The following NREP variants were observed in gnomAD, a reference collection of about 807,000 sequenced individuals.
NREP encodes neuronal regeneration-related protein.
In NREP, 5 loss-of-function variants were observed where a neutral mutation model predicts 8.6. That is an observed-to-expected ratio of 0.58 (90% CI 0.30 to 1.22). The LOEUF (loss-of-function observed/expected upper bound fraction) is 1.22, where lower values mean the gene tolerates loss of function less well. Ranked by LOEUF, NREP falls within the 50% of genes most tolerant of loss-of-function variation. The probability of loss-of-function intolerance (pLI) is 0.07; values close to 1 mark genes in which losing one functional copy is unlikely to be tolerated. For synonymous variants in NREP, 27 were observed against 28.0 expected (o/e 0.96, Z 0.11); for missense variants, 86 against 82.5 (o/e 1.04, Z -0.17).
intron 2 of NREP, among the ~76,000 whole-genome samples, chr5:111,856,870 C>T (rs568600928): frequency 2.0e-5 from 3 of 152,002 alleles, no homozygotes; most frequent in East Asian, 1.9e-4. Flanking sequence ...GATTGGTTGG[C>T]GGCTGGTTGA....
intron 2 of NREP, among the ~76,000 whole-genome samples, chr5:111,968,125 C>T (rs903336443): frequency 6.6e-6 from 1 of 151,826 alleles, no homozygotes; most frequent in Non-Finnish European, 1.5e-5. Flanking sequence ...TTCTTATTTT[C>T]TAAAAGGTCT....
chr5:111,793,827 G>C (rs1751811698), intron 2 of NREP, among the ~76,000 whole-genome samples: 1 of 152,174 alleles, frequency 6.6e-6, no homozygotes. Context: ...GGGAGGCCAA[G>C]GCAGGAAGAT....
chr5:111,844,070 T>C (rs928951483), intron 2 of NREP, among the ~76,000 whole-genome samples: 3 of 152,182 alleles, frequency 2.0e-5, no homozygotes, highest in Admixed American at 1.3e-4. Flanking sequence ...CAGGCAAATA[T>C]GAAAATAAAT....
chr5:111,782,662 T>G (rs1396612888), intron 2 of NREP, among the ~76,000 whole-genome samples: 1 of 152,068 alleles, frequency 6.6e-6, no homozygotes, highest in Non-Finnish European at 1.5e-5. Flanking sequence ...AACCAGAAAT[T>G]TCCCATAAAA....
At chr5:111,910,282 T>G (rs1754876500) in intron 2 of NREP, among the ~76,000 whole-genome samples, 1 of 151,966 alleles carries the variant, frequency 6.6e-6, no homozygotes, top group African/African-American at 2.4e-5. Context: ...CATTTACAAT[T>G]TTTCTAAATA....
intron 2 of NREP, among the ~76,000 whole-genome samples, chr5:111,935,279 G>A (rs1755651548): frequency 1.3e-5 from 2 of 152,038 alleles, no homozygotes; most frequent in South Asian, 2.1e-4. Context: ...ACTGAATGTA[G>A]GCAGATAGGA....
intron 1 of NREP, among the ~76,000 whole-genome samples, chr5:111,976,449 A>G (rs960704517): frequency 6.6e-6 from 1 of 152,232 alleles, no homozygotes; most frequent in African/African-American, 2.4e-5. Flanking sequence ...TGGAAGCAGG[A>G]ACCTCCTCTG....
intron 1 of NREP, chr5:111,975,444 C>T: frequency 9.2e-7 from 1 of 1,083,342 alleles, no homozygotes; most frequent in Middle Eastern, 2.0e-4. Context: ...ACTCACAGCT[C>T]CAGCAATTCA....
chr5:111,883,016 A>C (rs984948939), intron 2 of NREP, among the ~76,000 whole-genome samples: 4 of 152,270 alleles, frequency 2.6e-5, no homozygotes, highest in African/African-American at 7.2e-5. Flanking sequence ...GCTCCAATTA[A>C]AAGACACAGA....
chr5:111,950,858 G>C (rs190396954), intron 2 of NREP, among the ~76,000 whole-genome samples: 283 of 152,108 alleles, frequency 1.9e-3, no homozygotes, highest in African/African-American at 6.5e-3. Context: ...GACACAAAAA[G>C]GTCTAGGAAA....
intron 2 of NREP, among the ~76,000 whole-genome samples, chr5:111,860,724 CAA>C (rs1286607438): frequency 6.6e-6 from 1 of 152,076 alleles, no homozygotes. Flanking sequence ...TTAAAAATGA[CAA>C]TGTGAAAACT....
chr5:111,828,806 G>A (rs758438645), intron 2 of NREP, among the ~76,000 whole-genome samples: 4 of 152,122 alleles, frequency 2.6e-5, no homozygotes, highest in Non-Finnish European at 4.4e-5. Flanking sequence ...TTGAATAAAT[G>A]ACTACTGTAT....
Position 111,939,587 on chromosome 5 carries a change from G to A in NREP, c.135+35687C>T, listed in dbSNP as rs550143776. ...CAAAAAAAAATTCGAGTTGCCGCAC[G>A]TGCAAGTGCACAGCTGAGGTCAAAC... On this transcript the variant is annotated intron_variant, in intron 2 of 3. Coordinates refer to the NREP transcript ENST00000395634. Among the ~76,000 whole-genome samples the A allele has an allele frequency of 5.8e-4, 88 of 152,154 alleles. 1 individual carries two copies. The highest frequency in any genetic ancestry group is 3.3e-3 in the Admixed American group (51 of 15,282).
intron 2 of NREP, among the ~76,000 whole-genome samples, chr5:111,791,513 C>G (rs1039674600): frequency 6.6e-6 from 1 of 152,158 alleles, no homozygotes; most frequent in Non-Finnish European, 1.5e-5. Flanking sequence ...GGGTCTCACT[C>G]TGTCACCCAG....
At chr5:111,777,736 A>C (rs914455111) in intron 2 of NREP, among the ~76,000 whole-genome samples, 3 of 152,090 alleles carry the variant, frequency 2.0e-5, no homozygotes, top group Non-Finnish European at 4.4e-5. Flanking sequence ...ATAGTTTAAG[A>C]CTGGCAAAGT....
At chr5:111,882,294 G>T (rs550338584) in intron 2 of NREP, among the ~76,000 whole-genome samples, 19 of 152,272 alleles carry the variant, frequency 1.2e-4, no homozygotes, top group Middle Eastern at 3.4e-3. Flanking sequence ...AGAATAAAAA[G>T]AAATGAACAA....
At chr5:111,891,634 A>G (rs1754396696) in intron 2 of NREP, among the ~76,000 whole-genome samples, 1 of 152,240 alleles carries the variant, frequency 6.6e-6, no homozygotes, top group Middle Eastern at 3.2e-3. Flanking sequence ...TATGGACTGT[A>G]TAGAAAGCAT....
At chr5:111,914,885 G>A (rs1304420995) in intron 2 of NREP, among the ~76,000 whole-genome samples, 4 of 152,116 alleles carry the variant, frequency 2.6e-5, no homozygotes, top group African/African-American at 9.7e-5. Flanking sequence ...GTGCCCAAGA[G>A]TGCTTTCAGG....
At chr5:111,830,257 C>G (rs914544841) in intron 2 of NREP, among the ~76,000 whole-genome samples, 2 of 152,184 alleles carry the variant, frequency 1.3e-5, no homozygotes, top group Non-Finnish European at 2.9e-5. Context: ...AGATCGGACA[C>G]TCCTGTCTTA....
Sources: gnomAD v4.1 joint callset for allele counts (sites outside exome capture counted in the v4.1 genomes callset) on GRCh38, gnomAD v4.1.1 for gene constraint, MANE v1.5 for transcripts, NCBI Gene and HGNC (gene_info 2026-07-23, HGNC 2026-07-21) for gene names.